The following TENM3 variants were observed in gnomAD, a reference collection of about 807,000 sequenced individuals.
The protein encoded by TENM3 is teneurin transmembrane protein 3.
Under a neutral mutation model 255.1 loss-of-function variants are expected in TENM3, and 63 were observed. That is an observed-to-expected ratio of 0.25 (90% CI 0.20 to 0.30). The LOEUF (loss-of-function observed/expected upper bound fraction) is 0.30, where lower values mean the gene tolerates loss of function less well. Among genes scored for constraint, TENM3 ranks in the 10% least tolerant of loss-of-function variants. The pLI, the probability that TENM3 is intolerant of heterozygous loss-of-function variation, is 1.00. For synonymous variants in TENM3, 1,306 were observed against 1,322.3 expected (o/e 0.99, Z 0.27); for missense variants, 2,929 against 3,461.1 (o/e 0.85, Z 3.86).
intron 3 of TENM3, among the ~76,000 whole-genome samples, chr4:182,379,584 TGAG>T (rs1767427011): frequency 6.7e-6 from 1 of 149,420 alleles, no homozygotes; most frequent in South Asian, 2.1e-4. Flanking sequence ...TGAAGATGTC[TGAG>T]GAGGAGAATG....
chr4:182,125,015 G>A, the TENM3 span, among the ~76,000 whole-genome samples: 3 of 132,888 alleles, frequency 2.3e-5, no homozygotes, highest in Non-Finnish European at 4.8e-5. Context: ...CCCCTGCTGG[G>A]ACGGTGAATC....
chr4:181,543,876 T>C, the TENM3 span, among the ~76,000 whole-genome samples: 1 of 152,136 alleles, frequency 6.6e-6, no homozygotes, highest in African/African-American at 2.4e-5. Flanking sequence ...TACTTTAAAA[T>C]ACTTCCCATA....
the TENM3 span, among the ~76,000 whole-genome samples, chr4:181,668,491 G>A: frequency 2.0e-5 from 3 of 152,264 alleles, no homozygotes; most frequent in Admixed American, 6.5e-5. Flanking sequence ...TGCTGGGGAA[G>A]CTGCTGCTAC....
At chr4:182,161,671 A>G (rs1751222389) in intron 1 of TENM3, among the ~76,000 whole-genome samples, 1 of 117,830 alleles carries the variant, frequency 8.5e-6, no homozygotes, top group East Asian at 3.5e-4. Context: ...ACAAATATAT[A>G]TATGTATATA....
At position 182,749,278 on chromosome 4, in the gene TENM3, T is replaced by G. The variant is rs545159762; in HGVS notation, c.3630-2522T>G. 4.6e-5 allele frequency among the ~76,000 whole-genome samples: 7 copies of G among 152,284 alleles called. No homozygotes were observed. The East Asian group carries it at 1.4e-3, about 29-fold the overall frequency. ...TTCATTATTTTAATAGTTTAGGATA[T>G]TATAAACTGCTGTTATAACAGCAGA... On this transcript the variant is annotated intron_variant, in intron 19 of 27. Coordinates refer to ENST00000511685, the MANE Select transcript of TENM3 (RefSeq NM_001080477.4).
intron 3 of TENM3, among the ~76,000 whole-genome samples, chr4:182,546,863 C>T (rs1741501122): frequency 1.3e-5 from 2 of 152,038 alleles, no homozygotes; most frequent in African/African-American, 2.4e-5. Context: ...TAGCAGAGGT[C>T]GCTTCAAAAG....
chr4:182,684,833 C>A (rs1352779603), intron 11 of TENM3, among the ~76,000 whole-genome samples: 1 of 152,158 alleles, frequency 6.6e-6, no homozygotes, highest in East Asian at 1.9e-4. Flanking sequence ...TCTATTAGTA[C>A]AATCTAATGG....
the TENM3 span, among the ~76,000 whole-genome samples, chr4:181,623,087 C>T: frequency 1.3e-5 from 2 of 151,640 alleles, no homozygotes; most frequent in Non-Finnish European, 2.9e-5. Flanking sequence ...GAAATAAGTT[C>T]GAATTAAAAA....
intron 1 of TENM3, among the ~76,000 whole-genome samples, chr4:182,192,136 T>C (rs547923319): frequency 3.3e-5 from 5 of 151,912 alleles, no homozygotes; most frequent in African/African-American, 1.2e-4. Context: ...CCACAAAGAG[T>C]CTGATTGGAA....
the TENM3 span, among the ~76,000 whole-genome samples, chr4:181,727,609 G>C: frequency 6.6e-6 from 1 of 152,088 alleles, no homozygotes; most frequent in East Asian, 1.9e-4. Context: ...GAAAGCTGGC[G>C]TTTAGAATAT....
chr4:181,874,592 G>A, the TENM3 span: 10 of 152,240 alleles, frequency 6.6e-5, no homozygotes, highest in African/African-American at 2.4e-4. Context: ...TCAGCCTCAT[G>A]AAGAATAGCC....
At chr4:182,025,020 A>ATTTTTTTT in the TENM3 span, among the ~76,000 whole-genome samples, 2 of 121,146 alleles carry the variant, frequency 1.7e-5, no homozygotes, top group African/African-American at 6.7e-5. Flanking sequence ...ACAGGATTTC[A>ATTTTTTTT]TTTTTTTTTT....
At chr4:182,649,456 T>G (rs576493877) in intron 5 of TENM3, among the ~76,000 whole-genome samples, 1 of 150,568 alleles carries the variant, frequency 6.6e-6, no homozygotes, top group African/African-American at 2.4e-5. Context: ...GCACTTTCAC[T>G]ATTATATTCA....
the TENM3 span, among the ~76,000 whole-genome samples, chr4:181,657,052 G>T: frequency 6.6e-6 from 1 of 152,212 alleles, no homozygotes; most frequent in African/African-American, 2.4e-5. Flanking sequence ...CAGCTCCCTG[G>T]CCTGTGCGCG....
At chr4:182,643,369 A>T (rs1427584184) in intron 5 of TENM3, among the ~76,000 whole-genome samples, 1 of 152,236 alleles carries the variant, frequency 6.6e-6, no homozygotes, top group Non-Finnish European at 1.5e-5. Flanking sequence ...AAAAATTAAA[A>T]TCAAGAACAA....
chr4:182,768,084 A>G (rs1763875489), intron 22 of TENM3, among the ~76,000 whole-genome samples: 2 of 152,226 alleles, frequency 1.3e-5, no homozygotes, highest in Non-Finnish European at 2.9e-5. Flanking sequence ...TTCTGGACTG[A>G]CAATCCACAG....
chr4:181,974,269 A>G, the TENM3 span, among the ~76,000 whole-genome samples: 1 of 152,166 alleles, frequency 6.6e-6, no homozygotes, highest in African/African-American at 2.4e-5. Flanking sequence ...GTCAAATAGC[A>G]AAAATGAATC....
chr4:182,005,680 A>G, the TENM3 span, among the ~76,000 whole-genome samples: 1 of 152,170 alleles, frequency 6.6e-6, no homozygotes, highest in Non-Finnish European at 1.5e-5. Flanking sequence ...TTTTCATGAT[A>G]TTGATTCTTC....
chr4:181,586,683 C>T, the TENM3 span, among the ~76,000 whole-genome samples: 121 of 152,066 alleles, frequency 8.0e-4, no homozygotes, highest in African/African-American at 2.7e-3. Context: ...CTAGCAAAAA[C>T]ACAGAAATTA....
Sources: gnomAD v4.1 joint callset for allele counts (sites outside exome capture counted in the v4.1 genomes callset) on GRCh38, gnomAD v4.1.1 for gene constraint, MANE v1.5 for transcripts, NCBI Gene and HGNC (gene_info 2026-07-23, HGNC 2026-07-21) for gene names.